KLHL8: variants seen among roughly 807,000 people sequenced by gnomAD.
KLHL8 encodes kelch-like protein 8.
KLHL8 carries 38 observed loss-of-function variants against 63.5 expected under a neutral mutation model. The observed-to-expected ratio is 0.60, with a 90% CI of 0.46 to 0.78. KLHL8 has a LOEUF of 0.78. Ranked by LOEUF, KLHL8 falls within the 30% of genes least tolerant of loss-of-function variation. The pLI, the probability that KLHL8 is intolerant of heterozygous loss-of-function variation, is 0.00. For missense variants in KLHL8, 566 were observed against 752.4 expected (o/e 0.75, Z 2.90); for synonymous variants, 224 against 254.3 (o/e 0.88, Z 1.13).
At chr4:87,238,973 A>G (rs757472433) in intron 1 of KLHL8, among the ~76,000 whole-genome samples, 23 of 152,132 alleles carry the variant, frequency 1.5e-4, no homozygotes, top group Admixed American at 3.3e-4. Flanking sequence ...CTTTTTTTCC[A>G]CGTAAATATT....
chr4:87,236,124 A>G (rs984733829), intron 1 of KLHL8, among the ~76,000 whole-genome samples: 1 of 152,106 alleles, frequency 6.6e-6, no homozygotes, highest in Admixed American at 6.5e-5. Context: ...CTAGAGTTTT[A>G]TGTAAGATTT....
chr4:87,178,372 A>G (rs555468424), intron 5 of KLHL8, 105 bp downstream of exon 5: 1 of 1,207,452 alleles, frequency 8.3e-7, no homozygotes, highest in Admixed American at 2.6e-5. Flanking sequence ...TTTAAAAATA[A>G]TTTACAATTT....
intron 1 of KLHL8, among the ~76,000 whole-genome samples, chr4:87,236,210 C>CTT (rs35028616): frequency 2.4e-4 from 32 of 135,842 alleles, no homozygotes; most frequent in Non-Finnish European, 3.9e-4. Context: ...TTTCCTTTTC[C>CTT]TTTTTTTTTT....
chr4:87,219,255 G>T (rs1282540394), intron 1 of KLHL8, among the ~76,000 whole-genome samples: 3 of 152,124 alleles, frequency 2.0e-5, no homozygotes, highest in Non-Finnish European at 4.4e-5. Context: ...AGCACTGTTA[G>T]CAGCAGTCCT....
intron 1 of KLHL8, among the ~76,000 whole-genome samples, chr4:87,230,876 G>A (rs1733124277): frequency 6.6e-6 from 1 of 152,186 alleles, no homozygotes; most frequent in African/African-American, 2.4e-5. Context: ...GGAAGAACCA[G>A]AAGCCTAGAT....
intron 2 of KLHL8, among the ~76,000 whole-genome samples, chr4:87,188,828 A>G (rs750475167): frequency 1.3e-5 from 2 of 152,242 alleles, no homozygotes; most frequent in Non-Finnish European, 2.9e-5. Context: ...CACAAGCTAC[A>G]TAATATTAGA....
chr4:87,211,401 C>T (rs1732400349), intron 1 of KLHL8, among the ~76,000 whole-genome samples: 1 of 152,166 alleles, frequency 6.6e-6, no homozygotes, highest in Non-Finnish European at 1.5e-5. Flanking sequence ...AATCATTAAA[C>T]GAGAATCTGC....
At chr4:87,174,249 T>C in intron 6 of KLHL8, among the ~76,000 whole-genome samples, 1 of 151,808 alleles carries the variant, frequency 6.6e-6, no homozygotes, top group African/African-American at 2.4e-5. Flanking sequence ...TATATGTGTG[T>C]ATGTGTGTGT....
At chr4:87,205,391 A>G (rs536760484) in intron 1 of KLHL8, among the ~76,000 whole-genome samples, 1 of 145,810 alleles carries the variant, frequency 6.9e-6, no homozygotes, top group East Asian at 2.0e-4. Flanking sequence ...GGGGTGACAG[A>G]GTAAGATTCT....
At chr4:87,217,439 A>AT (rs1288299444) in intron 1 of KLHL8, among the ~76,000 whole-genome samples, 1 of 151,854 alleles carries the variant, frequency 6.6e-6, no homozygotes, top group East Asian at 1.9e-4. Context: ...GACTCAGGTG[A>AT]TCCTCCCACC....
chr4:87,199,321 C>A (rs1473587170), intron 1 of KLHL8, among the ~76,000 whole-genome samples: 1 of 152,040 alleles, frequency 6.6e-6, no homozygotes, highest in Non-Finnish European at 1.5e-5. Context: ...ACACCATATA[C>A]AAAAACTAAC....
intron 1 of KLHL8, among the ~76,000 whole-genome samples, chr4:87,198,975 C>T (rs2110020232): frequency 6.6e-6 from 1 of 152,274 alleles, no homozygotes; most frequent in East Asian, 1.9e-4. Context: ...AACATAAGAT[C>T]TATTACTTCT....
At chr4:87,223,128 T>TGTTTTGTTTTGTTTC (rs1264016382), upstream of KLHL8, among the ~76,000 whole-genome samples, 11 of 148,770 alleles carry the variant, frequency 7.4e-5, no homozygotes, top group Non-Finnish European at 7.4e-5. Context: ...TTTTTTTGTT[T>TGTTTTGTTTTGTTTC]GTTTTGTTTT....
At chr4:87,168,721 C>T (rs1180862827) in intron 8 of KLHL8, among the ~76,000 whole-genome samples, 37 of 122,958 alleles carry the variant, frequency 3.0e-4, no homozygotes, top group African/African-American at 5.6e-4. Flanking sequence ...TATATATATA[C>T]GTATATATAT....
intron 1 of KLHL8, among the ~76,000 whole-genome samples, chr4:87,232,007 C>T (rs1181656385): frequency 6.6e-6 from 1 of 152,162 alleles, no homozygotes; most frequent in Non-Finnish European, 1.5e-5. Flanking sequence ...TGACATCTCC[C>T]TTTCAAAGCT....
upstream of KLHL8, among the ~76,000 whole-genome samples, chr4:87,225,225 T>G (rs1267252395): frequency 6.6e-6 from 1 of 152,204 alleles, no homozygotes; most frequent in East Asian, 1.9e-4. Flanking sequence ...GAAACCTTTC[T>G]TGGTTACAGT....
intron 8 of KLHL8, among the ~76,000 whole-genome samples, chr4:87,165,441 T>G (rs1314658929): frequency 6.6e-6 from 1 of 152,158 alleles, no homozygotes; most frequent in African/African-American, 2.4e-5. Flanking sequence ...TTGCCCAGAC[T>G]GAAGTGCAGT....
At position 87,163,492 on chromosome 4, in the gene KLHL8, C is replaced by G; in HGVS notation, c.*27G>C. ...TTTCTTTTGTACCTATCAGATATGA[C>G]TAAATTGTTGGTGGCCAGAACTCAA... is the stretch of plus-strand genomic sequence containing the variant. On this transcript the variant is annotated 3_prime_UTR_variant, in exon 10 of 10. Coordinates refer to ENST00000273963, the MANE Select transcript of KLHL8 (RefSeq NM_020803.5). 1.2e-6 allele frequency: 2 copies of G among 1,612,618 alleles called. No homozygotes were observed. Among genetic ancestry groups the G allele is most frequent in the Non-Finnish European group, 1.7e-6 (2 of 1,179,352 alleles).
intron 2 of KLHL8, among the ~76,000 whole-genome samples, chr4:87,192,794 C>T (rs903829119): frequency 2.0e-5 from 3 of 152,182 alleles, no homozygotes; most frequent in Non-Finnish European, 2.9e-5. Context: ...TACAAACCTG[C>T]ATGGCTTATT....
Sources: allele counts gnomAD v4.1 joint callset (sites outside exome capture counted in the v4.1 genomes callset), GRCh38; gene constraint gnomAD v4.1.1; transcripts MANE v1.5; gene names NCBI Gene and HGNC (gene_info 2026-07-23, HGNC 2026-07-21).